The following NFIA variants were observed in gnomAD, a reference collection of about 807,000 sequenced individuals.
NFIA encodes the protein nuclear factor I A.
In NFIA, 8 loss-of-function variants were observed where a neutral mutation model predicts 62.8. The ratio of observed to expected loss-of-function variants is 0.13; its 90% CI spans 0.07 to 0.23. The LOEUF is 0.23. NFIA is among the 10% of genes least tolerant of loss of function. The pLI is 1.00. For missense variants in NFIA, 410 were observed against 642.1 expected, an observed-to-expected ratio of 0.64 and a Z score of 3.91; for synonymous variants, 235 against 238.1, an observed-to-expected ratio of 0.99 and a Z score of 0.12.
chr1:61,285,253 C>G (rs986075535), intron 3 of NFIA, among the ~76,000 whole-genome samples: 2 of 152,054 alleles, frequency 1.3e-5, no homozygotes, highest in African/African-American at 4.8e-5. Flanking sequence ...TCATACCTCC[C>G]CATCAATTAA....
At chr1:61,203,893 G>A (rs75842729) in intron 2 of NFIA, among the ~76,000 whole-genome samples, 16 of 152,280 alleles carry the variant, frequency 1.1e-4, no homozygotes, top group Admixed American at 5.9e-4. Flanking sequence ...CCCCAAGATC[G>A]TGGCCAGTTG....
At chr1:61,262,925 A>G (rs2065841) in intron 2 of NFIA, among the ~76,000 whole-genome samples, 42,413 of 151,980 alleles carry the variant, frequency 0.28, 7,541 homozygotes, top group African/African-American at 0.51. Flanking sequence ...CACTAACCTG[A>G]TAATTCGGAG....
intron 2 of NFIA, among the ~76,000 whole-genome samples, chr1:61,109,494 T>TG: frequency 1.1e-4 from 1 of 9,130 alleles, no homozygotes; most frequent in Non-Finnish European, 6.0e-4. Flanking sequence ...CTTATGAGTA[T>TG]TTTTTTTTGG....
intron 3 of NFIA, among the ~76,000 whole-genome samples, chr1:61,330,464 C>T (rs140443122): frequency 0.012 from 1,562 of 130,522 alleles, 34 homozygotes; most frequent in African/African-American, 0.041. Flanking sequence ...CACACACGCA[C>T]ACATCTGCAC....
At chr1:61,279,414 G>A (rs1658002539) in intron 3 of NFIA, among the ~76,000 whole-genome samples, 1 of 150,064 alleles carries the variant, frequency 6.7e-6, no homozygotes, top group South Asian at 2.1e-4. Context: ...AAAAAAAAAA[G>A]AGAGAACTCT....
At chr1:61,104,049 G>T (rs1646555390) in intron 2 of NFIA, among the ~76,000 whole-genome samples, 1 of 152,076 alleles carries the variant, frequency 6.6e-6, no homozygotes, top group Admixed American at 6.6e-5. Flanking sequence ...ATATGTGAGG[G>T]TATAATCTTT....
intron 9 of NFIA, among the ~76,000 whole-genome samples, chr1:61,407,327 G>A (rs1158461975): frequency 6.6e-6 from 1 of 152,150 alleles, no homozygotes; most frequent in African/African-American, 2.4e-5. Context: ...GGGAGAGTAG[G>A]ATGGAAGGAG....
chr1:61,087,125 A>G (rs937161684), intron 1 of NFIA, among the ~76,000 whole-genome samples: 1 of 152,122 alleles, frequency 6.6e-6, no homozygotes, highest in African/African-American at 2.4e-5. Context: ...AGGATCAAAC[A>G]TTTTAAGCAA....
chr1:61,436,770 C>T (rs1429565807), intron 10 of NFIA, among the ~76,000 whole-genome samples: 1 of 152,196 alleles, frequency 6.6e-6, no homozygotes, highest in African/African-American at 2.4e-5. Context: ...TTACATTCCA[C>T]AGCACACACC....
chr1:61,141,260 A>T (rs694161), intron 2 of NFIA, among the ~76,000 whole-genome samples: 2 of 151,984 alleles, frequency 1.3e-5, no homozygotes, highest in East Asian at 3.9e-4. Flanking sequence ...CATGAAAAAA[A>T]CAACAGAAAC....
chr1:61,431,921 T>C (rs1056019017), intron 10 of NFIA, among the ~76,000 whole-genome samples: 2 of 152,230 alleles, frequency 1.3e-5, no homozygotes, highest in Non-Finnish European at 2.9e-5. Context: ...ATTTAGTGTT[T>C]ACTTAATTGC....
At chr1:61,130,986 T>C (rs334733) in intron 2 of NFIA, among the ~76,000 whole-genome samples, 143,138 of 152,202 alleles carry the variant, frequency 0.94, 67,408 homozygotes, top group Middle Eastern at 0.97. Context: ...TGGTCATCAA[T>C]CTAGTCTTCC....
intron 2 of NFIA, among the ~76,000 whole-genome samples, chr1:61,228,743 C>A (rs2100628085): frequency 1.3e-5 from 2 of 151,994 alleles, no homozygotes; most frequent in Non-Finnish European, 2.9e-5. Context: ...CCAAAAGAAT[C>A]CTGAAGATCA....
At chr1:61,331,783 G>C (rs1278326156) in intron 3 of NFIA, among the ~76,000 whole-genome samples, 5 of 152,046 alleles carry the variant, frequency 3.3e-5, no homozygotes, top group African/African-American at 9.7e-5. Context: ...TGAGTAGTTG[G>C]TGATCGACAT....
At chr1:61,370,844 T>A (rs140154169) in intron 6 of NFIA, among the ~76,000 whole-genome samples, 2 of 152,312 alleles carry the variant, frequency 1.3e-5, no homozygotes, top group East Asian at 3.9e-4. Flanking sequence ...GTAGGTATCG[T>A]CTACTTTGTA....
chr1:61,137,486 G>T (rs4915730), intron 2 of NFIA, among the ~76,000 whole-genome samples: 1 of 152,018 alleles, frequency 6.6e-6, no homozygotes, highest in African/African-American at 2.4e-5. Flanking sequence ...TAAATTACGG[G>T]GATATGTAAT....
At chr1:61,159,589 T>G (rs1649039123) in intron 2 of NFIA, among the ~76,000 whole-genome samples, 1 of 152,098 alleles carries the variant, frequency 6.6e-6, no homozygotes, top group Non-Finnish European at 1.5e-5. Context: ...ACTCTGCATC[T>G]CAGTTTCCTA....
At chr1:61,306,766 A>G (rs1266246744) in intron 3 of NFIA, among the ~76,000 whole-genome samples, 1 of 152,194 alleles carries the variant, frequency 6.6e-6, no homozygotes, top group African/African-American at 2.4e-5. Flanking sequence ...AGTGGTCCAC[A>G]TACTGGCCTT....
intron 2 of NFIA, among the ~76,000 whole-genome samples, chr1:61,099,093 C>T (rs1007785036): frequency 1.3e-5 from 2 of 152,236 alleles, no homozygotes; most frequent in Admixed American, 6.5e-5. Flanking sequence ...TTACCACCTA[C>T]ATTTTTAAAC....
Sources: gnomAD v4.1 joint callset for allele counts (sites outside exome capture counted in the v4.1 genomes callset) on GRCh38, gnomAD v4.1.1 for gene constraint, MANE v1.5 for transcripts, NCBI Gene and HGNC (gene_info 2026-07-23, HGNC 2026-07-21) for gene names.